The following PIGU variants were observed in gnomAD, a reference collection of about 807,000 sequenced individuals.
PIGU encodes phosphatidylinositol glycan anchor biosynthesis class U.
In PIGU, 24 loss-of-function variants were observed where a neutral mutation model predicts 49.9. The ratio of observed to expected loss-of-function variants is 0.48; its 90% CI spans 0.35 to 0.68. The LOEUF (loss-of-function observed/expected upper bound fraction) is 0.68. Among genes scored for constraint, PIGU ranks in the 30% least tolerant of loss-of-function variants. The pLI is 0.01. For missense variants in PIGU, 490 were observed against 532.6 expected, an observed-to-expected ratio of 0.92 and a Z score of 0.79; for synonymous variants, 220 against 205.7, an observed-to-expected ratio of 1.07 and a Z score of -0.59.
chr20:34,637,664 C>G (rs1427609693), intron 5 of PIGU, among the ~76,000 whole-genome samples: 2 of 152,158 alleles, frequency 1.3e-5, no homozygotes, highest in Non-Finnish European at 2.9e-5. Context: ...TTGTACACAG[C>G]CCTGTGTGAG....
At chr20:34,640,917 CAG>C (rs1986140046) in intron 4 of PIGU, among the ~76,000 whole-genome samples, 1 of 152,130 alleles carries the variant, frequency 6.6e-6, no homozygotes, top group Non-Finnish European at 1.5e-5. Context: ...TTCTTGGAGA[CAG>C]AGTCTTGCTC....
At chr20:34,670,457 A>G (rs1174510092) in intron 1 of PIGU, among the ~76,000 whole-genome samples, 1 of 152,068 alleles carries the variant, frequency 6.6e-6, no homozygotes, top group Non-Finnish European at 1.5e-5. Context: ...AGCCTCCCAA[A>G]GTGCTGGGAT....
chr20:34,648,454 C>A (rs1600658981), intron 2 of PIGU, among the ~76,000 whole-genome samples: 2 of 152,254 alleles, frequency 1.3e-5, no homozygotes, highest in South Asian at 4.1e-4. Context: ...AGTATAGTTA[C>A]ATCAGCCTCT....
intron 6 of PIGU, among the ~76,000 whole-genome samples, chr20:34,633,299 A>G (rs1699148223): frequency 6.6e-6 from 1 of 152,094 alleles, no homozygotes. Context: ...CCCTGTCTCT[A>G]TAAAAAATAC....
At chr20:34,651,253 T>C (rs1986533083) in intron 2 of PIGU, among the ~76,000 whole-genome samples, 1 of 152,228 alleles carries the variant, frequency 6.6e-6, no homozygotes, top group African/African-American at 2.4e-5. Flanking sequence ...AGGCAAGTCC[T>C]TTACCAGAGC....
Position 34,658,565 on chromosome 20 carries a change from C to G in PIGU, c.131-1321G>C, listed in dbSNP as rs984315466. On this transcript the variant is annotated intron_variant, in intron 1 of 11. Coordinates refer to ENST00000217446, the MANE Select transcript of PIGU (RefSeq NM_080476.5). ...GAAGTGAGGAGCGTCTCTGCCCGGCCGCCCATCGTCTGAGATGTGGGCAGT... is the reference window on the plus strand; with the variant it reads ...GAAGTGAGGAGCGTCTCTGCCCGGCGGCCCATCGTCTGAGATGTGGGCAGT... 3.3e-5 allele frequency among the ~76,000 whole-genome samples: 5 copies of G among 151,568 alleles called. No homozygotes were observed. In the East Asian group the frequency reaches 9.8e-4, roughly 30 times the overall value.
At chr20:34,665,278 A>C (rs1987054248) in intron 1 of PIGU, among the ~76,000 whole-genome samples, 1 of 130,434 alleles carries the variant, frequency 7.7e-6, no homozygotes, top group African/African-American at 2.9e-5. Flanking sequence ...ATCTCGGCTC[A>C]CTGCAAGCTC....
chr20:34,652,076 T>A (rs186133903), intron 2 of PIGU, among the ~76,000 whole-genome samples: 35 of 152,322 alleles, frequency 2.3e-4, no homozygotes, highest in African/African-American at 7.9e-4. Flanking sequence ...CATGGCTCAC[T>A]GCAGCTTAGA....
rs1168183234 is a variant in PIGU, at chr20:34,588,459, C to T, written c.776G>A (p.Gly259Asp). ...SSWDFIPAVY[G>D]FILSVPDLTP... ...TAACGTGGTCATTACTTACATAAAG[C>T]CATAGACTGCGGGGATGAAATCCCA... The change falls in exon 8 of 12, where the codon GGC (glycine) becomes GAC (aspartate). Residue 259 changes from glycine to aspartate, a missense_variant. Gly to Asp is a moderately conservative substitution (Grantham distance 94). Transcript: ENST00000217446. 1.9e-6 allele frequency: 3 copies of T among 1,613,520 alleles called. No homozygotes were observed. Among genetic ancestry groups the T allele is most frequent in the Admixed American group, 1.7e-5 (1 of 59,958 alleles).
rs1984500104 is a variant in PIGU, at chr20:34,603,341, A to C, written c.627+12701T>G. Among the ~76,000 whole-genome samples, 3 of 152,152 alleles carry C rather than the reference A, an allele frequency of 2.0e-5. 1 individual carries two copies. Among genetic ancestry groups the C allele is most frequent in the Admixed American group, 2.0e-4 (3 of 15,274 alleles). ...TCCTATCATTTTGTTTTCATTTGTAAGTTGAAATAATTTTATAAAGATATA... is the reference window on the plus strand; with the variant it reads ...TCCTATCATTTTGTTTTCATTTGTACGTTGAAATAATTTTATAAAGATATA... On this transcript the variant is annotated intron_variant, in intron 7 of 11. Transcript: ENST00000217446.
intron 7 of PIGU, among the ~76,000 whole-genome samples, chr20:34,606,187 G>A (rs1246057365): frequency 1.3e-5 from 2 of 151,070 alleles, no homozygotes; most frequent in African/African-American, 2.4e-5. Flanking sequence ...CCTGAGAGGC[G>A]GAGGTTGCAG....
At chr20:34,657,156 A>G (rs1247794252) in intron 2 of PIGU, 24 bp downstream of exon 2, 1 of 1,574,690 alleles carries the variant, frequency 6.4e-7, no homozygotes, top group South Asian at 1.1e-5. Context: ...CTTGGTACCC[A>G]GAAAAGAAAA....
chr20:34,587,756 C>T (rs1983760782), intron 8 of PIGU, among the ~76,000 whole-genome samples: 1 of 152,210 alleles, frequency 6.6e-6, no homozygotes, highest in African/African-American at 2.4e-5. Context: ...ATTTGTCTTT[C>T]TGTGCCTAGC....
intron 4 of PIGU, among the ~76,000 whole-genome samples, chr20:34,640,497 G>GCA (rs1266348113): frequency 2.1e-3 from 109 of 50,734 alleles, no homozygotes; most frequent in African/African-American, 0.011. Flanking sequence ...ATGTGCGCAC[G>GCA]CGCACACACA....
intron 11 of PIGU, among the ~76,000 whole-genome samples, chr20:34,569,090 G>C (rs1272856199): frequency 6.6e-6 from 1 of 152,000 alleles, no homozygotes; most frequent in Non-Finnish European, 1.5e-5. Flanking sequence ...TGTAGTTCTA[G>C]CTACTTGGGA....
intron 8 of PIGU, 104 bp from the exon 9 acceptor site, chr20:34,585,684 G>T: frequency 7.5e-7 from 1 of 1,327,832 alleles, no homozygotes; most frequent in Non-Finnish European, 1.0e-6. Flanking sequence ...GGGCAGCCAA[G>T]GACGACTTTC....
At chr20:34,561,326 A>G (rs1600577567) in intron 11 of PIGU, among the ~76,000 whole-genome samples, 1 of 151,436 alleles carries the variant, frequency 6.6e-6, no homozygotes, top group Non-Finnish European at 1.5e-5. Flanking sequence ...CAAACTCCTC[A>G]CCTTCCCTCT....
intron 5 of PIGU, 45 bp from the exon 6 acceptor site, chr20:34,634,760 G>C (rs772551313): frequency 6.3e-7 from 1 of 1,597,220 alleles, no homozygotes; most frequent in South Asian, 1.1e-5. Context: ...CCTGACCAAG[G>C]AGCCCTCGCC....
chr20:34,656,693 G>A (rs919792765), intron 2 of PIGU, among the ~76,000 whole-genome samples: 8 of 150,892 alleles, frequency 5.3e-5, no homozygotes, highest in African/African-American at 2.0e-4. Context: ...TTGAGCCCAG[G>A]AGGTCAAGGC....
Sources: gnomAD v4.1 joint callset for allele counts (sites outside exome capture counted in the v4.1 genomes callset) on GRCh38, gnomAD v4.1.1 for gene constraint, MANE v1.5 for transcripts, NCBI Gene and HGNC (gene_info 2026-07-23, HGNC 2026-07-21) for gene names.